FBXO34: variants seen among roughly 807,000 people sequenced by gnomAD.
The protein encoded by FBXO34 is F-box protein 34.
Under a neutral mutation model 24.5 loss-of-function variants are expected in FBXO34, and 12 were observed. The observed-to-expected ratio is 0.49, with a 90% CI of 0.31 to 0.79. FBXO34 has a LOEUF of 0.79. FBXO34 is among the 30% of genes least tolerant of loss of function. The pLI is 0.04. For synonymous variants in FBXO34, 320 were observed against 311.9 expected, an observed-to-expected ratio of 1.03 and a Z score of -0.27; for missense variants, 823 against 857.7, an observed-to-expected ratio of 0.96 and a Z score of 0.51.
intron 1 of FBXO34, among the ~76,000 whole-genome samples, chr14:55,344,747 G>C (rs1259291386): frequency 1.3e-5 from 2 of 150,848 alleles, no homozygotes; most frequent in Non-Finnish European, 3.0e-5. Flanking sequence ...AACATCCCCA[G>C]TGTGTGATGT....
intron 1 of FBXO34, among the ~76,000 whole-genome samples, chr14:55,316,002 T>C (rs776640256): frequency 1.3e-5 from 2 of 152,184 alleles, no homozygotes; most frequent in Non-Finnish European, 2.9e-5. Flanking sequence ...CCAATGTTTT[T>C]CTCCTTTTCT....
intron 1 of FBXO34, among the ~76,000 whole-genome samples, chr14:55,335,835 C>G (rs566124192): frequency 6.6e-6 from 1 of 152,194 alleles, no homozygotes; most frequent in East Asian, 1.9e-4. Context: ...CATAATGAAG[C>G]TCTTTAGAGC....
chr14:55,360,792 G>GT (rs905170344), intron 3 of FBXO34, among the ~76,000 whole-genome samples: 92 of 152,170 alleles, frequency 6.0e-4, no homozygotes, highest in African/African-American at 1.9e-3. Context: ...GAGGTCAGGA[G>GT]TTTGAGACCA....
In FBXO34 at chr14:55,350,726, A is replaced by G. The variant is rs754885266; in HGVS notation, c.336A>G (p.Lys112=). The G allele has an allele frequency of 7.4e-6, 12 of 1,611,992 alleles. No homozygotes were observed. Among genetic ancestry groups the G allele is most frequent in the Non-Finnish European group, 1.0e-5 (12 of 1,179,490 alleles). ...CACTTGATATCTGGGCTGTTGTGAA[A>G]CCTGGAAATACCAAGGAAAAAATTG... ...EGPLDIWAVV[K]PGNTKEKIAF... The change falls in exon 2 of 2, where the codon AAA becomes AAG. Residue 112 remains lysine, a synonymous_variant. Coordinates refer to ENST00000313833, the MANE Select transcript of FBXO34 (RefSeq NM_017943.4).
chr14:55,362,514 G>A (rs549865189), downstream of FBXO34, among the ~76,000 whole-genome samples: 26 of 151,986 alleles, frequency 1.7e-4, no homozygotes, highest in Admixed American at 5.9e-4. Flanking sequence ...AAAGCAAAGC[G>A]CAAAAAAACA....
chr14:55,380,875 A>ATATATATATATTTTTT, the FBXO34 span, among the ~76,000 whole-genome samples: 742 of 112,366 alleles, frequency 6.6e-3, 1 homozygote, highest in Non-Finnish European at 0.01. Context: ...ATATATATAT[A>ATATATATATATTTTTT]TTTTTTTTTT....
chr14:55,435,824 G>A, the FBXO34 span: 983,249 of 1,439,668 alleles, frequency 0.68, 337,707 homozygotes, highest in African/African-American at 0.8. Flanking sequence ...CTAATTATTG[G>A]AAGGAATACT....
downstream of FBXO34, chr14:55,368,114 C>T (rs141329297): frequency 7.1e-6 from 1 of 140,852 alleles, no homozygotes; most frequent in African/African-American, 2.6e-5. Flanking sequence ...TAAAAATAAA[C>T]TACTTACATA....
At chr14:55,327,998 C>A (rs1248494073) in intron 1 of FBXO34, among the ~76,000 whole-genome samples, 2 of 136,156 alleles carry the variant, frequency 1.5e-5, no homozygotes, top group African/African-American at 5.6e-5. Flanking sequence ...GGTCTCAGCT[C>A]ACTGGAGCCT....
At chr14:55,278,143 G>A (rs1881406347) in intron 1 of FBXO34, among the ~76,000 whole-genome samples, 1 of 152,056 alleles carries the variant, frequency 6.6e-6, no homozygotes, top group African/African-American at 2.4e-5. Flanking sequence ...ATGTCTGCTT[G>A]CCCATACTTA....
At chr14:55,396,697 G>A in the FBXO34 span, among the ~76,000 whole-genome samples, 1 of 152,210 alleles carries the variant, frequency 6.6e-6, no homozygotes, top group African/African-American at 2.4e-5. Context: ...GAGGTAAAGA[G>A]AAACTGAATG....
intron 1 of FBXO34, chr14:55,298,630 T>C (rs989166687): frequency 7.5e-7 from 1 of 1,334,892 alleles, no homozygotes; most frequent in Admixed American, 2.2e-5. Flanking sequence ...CGTTGAAGGC[T>C]GGCGCGGCGA....
At chr14:55,286,866 G>T (rs1046671702) in intron 1 of FBXO34, among the ~76,000 whole-genome samples, 1 of 151,060 alleles carries the variant, frequency 6.6e-6, no homozygotes, top group African/African-American at 2.4e-5. Context: ...TTGGAGATGG[G>T]ACCCACATTG....
At chr14:55,324,769 A>C (rs189415783) in intron 1 of FBXO34, among the ~76,000 whole-genome samples, 1 of 152,348 alleles carries the variant, frequency 6.6e-6, no homozygotes, top group East Asian at 1.9e-4. Context: ...TAGTTTGCTA[A>C]GAATTTTTAT....
In FBXO34 at chr14:55,350,613, G is replaced by A. The variant is rs1426204776; in HGVS notation, c.223G>A (p.Gly75Arg). 1 of 1,612,776 alleles carries A rather than the reference G, an allele frequency of 6.2e-7. No individual in the cohort carries two copies. The highest frequency in any genetic ancestry group is 1.3e-5 in the African/African-American group (1 of 74,776). ...TCCAAATGTTCTGTGCAGTATGAGT[G>A]GGAAGAGTCCTGTAGAGAGCAGCTT... is the stretch of plus-strand genomic sequence containing the variant. Reference protein sequence around the residue: ...LSPNVLCSMSGKSPVESSLNV... With the variant: ...LSPNVLCSMSRKSPVESSLNV... Residue 75 changes from glycine (G) to arginine (R), a missense_variant, in exon 2 of 2, where the codon GGG (glycine) becomes AGG (arginine). By Grantham distance (125) the Gly-to-Arg change is moderately radical (BLOSUM62 -2). Around this residue, in one of 2 missense-constraint regions of FBXO34, gnomAD observed 693 missense variants for 659.1 expected, o/e 1.05. Coordinates refer to ENST00000313833, the MANE Select transcript of FBXO34 (RefSeq NM_017943.4).
At chr14:55,365,550 C>T (rs967317784), downstream of FBXO34, among the ~76,000 whole-genome samples, 4 of 152,132 alleles carry the variant, frequency 2.6e-5, no homozygotes, top group Admixed American at 2.0e-4. Context: ...AATAATCTCC[C>T]CACTACCAAT....
chr14:55,369,819 C>T (rs541092841), downstream of FBXO34: 68 of 1,614,210 alleles, frequency 4.2e-5, no homozygotes, highest in African/African-American at 1.1e-4. Context: ...TCGGTTTCTT[C>T]ATCGCTGACG....
At chr14:55,377,111 C>T in the FBXO34 span, among the ~76,000 whole-genome samples, 1 of 152,184 alleles carries the variant, frequency 6.6e-6, no homozygotes, top group African/African-American at 2.4e-5. Context: ...CTTTGGGAAG[C>T]CGAAGCGGGT....
chr14:55,363,562 C>T (rs547528393), downstream of FBXO34, among the ~76,000 whole-genome samples: 2 of 152,252 alleles, frequency 1.3e-5, no homozygotes, highest in East Asian at 1.9e-4. Context: ...CTCCTGACTT[C>T]AGGTGATCCA....
Sources: gnomAD v4.1 joint callset for allele counts (sites outside exome capture counted in the v4.1 genomes callset) on GRCh38, gnomAD v4.1.1 for gene constraint, gnomAD v4.1.1 regional missense constraint, MANE v1.5 for transcripts, NCBI Gene and HGNC (gene_info 2026-07-23, HGNC 2026-07-21) for gene names.